UPF3B: variants seen among roughly 807,000 people sequenced by gnomAD.
The protein encoded by UPF3B is regulator of nonsense transcripts 3B.
Under a neutral mutation model 40.3 loss-of-function variants are expected in UPF3B, and 7 were observed. That is an observed-to-expected ratio of 0.17 (90% CI 0.10 to 0.33). The LOEUF (loss-of-function observed/expected upper bound fraction) is 0.33. Ranked by LOEUF, UPF3B falls within the 10% of genes least tolerant of loss-of-function variation. The pLI, the probability that UPF3B is intolerant of heterozygous loss-of-function variation, is 1.00. For missense variants in UPF3B, 229 were observed against 358.9 expected (o/e 0.64, Z 2.93); for synonymous variants, 117 against 117.3 (o/e 1.00, Z 0.01).
chrX:119,843,952 T>C (rs1448191152), intron 4 of UPF3B, among the ~76,000 whole-genome samples: 2 of 112,633 alleles, frequency 1.8e-5, no homozygotes, highest in African/African-American at 6.4e-5. Context: ...AAGAGTTGTG[T>C]AACAGCTATC....
Position 119,851,697 on chromosome X carries a change from A to G in UPF3B, c.263+70T>C, listed in dbSNP as rs1302315185. ...AAAGACAAGCTCAAAAATCAAATGA[A>G]AAACAGTAGGATAAAAAGAATGAAA... On this transcript the variant is annotated intron_variant, in intron 2 of 10. Transcript: ENST00000276201. 3.0e-6 allele frequency: 3 copies of G among 997,340 alleles called. No homozygotes were observed. In the African/African-American group the frequency reaches 5.9e-5, roughly 20 times the overall value. The allele number at this position is 997,340 out of a possible 1,213,427, so 82.2% of individuals were successfully genotyped here.
chrX:119,807,380 G>A (rs960286079), intron 6 of UPF3B: 14 of 867,544 alleles, frequency 1.6e-5, no homozygotes, highest in African/African-American at 1.3e-4. Context: ...ATTGCTTAAC[G>A]TGTGCTCTTT....
chrX:119,834,221 A>G lies in UPF3B; in HGVS notation c.*657T>C. The G allele has an allele frequency of 1.3e-6, 1 of 755,231 alleles. No homozygotes were observed. Among genetic ancestry groups the G allele is most frequent in the Non-Finnish European group, 1.6e-6 (1 of 639,463 alleles). 62.2% of individuals were successfully genotyped at this position (755,231 alleles called of 1,213,427 possible). A position where few individuals can be genotyped will look rare whatever the true frequency, so the allele number is the denominator to read the frequency against. On this transcript the variant is annotated 3_prime_UTR_variant, in exon 11 of 11. Transcript: ENST00000276201. ...TACATTTTACCTCTTAATAGAAAAG[A>G]TGCTGATGACAAAACACGAAGTTTA... is the stretch of plus-strand genomic sequence containing the variant.
At chrX:119,825,550 T>C (rs1004312347) in intron 3 of UPF3B, among the ~76,000 whole-genome samples, 2 of 111,788 alleles carry the variant, frequency 1.8e-5, no homozygotes, top group Non-Finnish European at 3.8e-5. Context: ...TTATAAAATA[T>C]CTCAACAGGA....
rs570392567 is a variant in UPF3B at position 119,837,564 on chromosome X, C to A, written c.1302+193G>T. 7.8e-5 allele frequency among the ~76,000 whole-genome samples: 8 copies of A among 102,098 alleles called. No homozygotes were observed. The South Asian group carries it at 3.7e-3, about 48-fold the overall frequency. 88.7% of individuals were successfully genotyped at this position (102,098 alleles called of 115,157 possible). A position where few individuals can be genotyped will look rare whatever the true frequency, so the allele number is the denominator to read the frequency against. On this transcript the variant is annotated intron_variant, in intron 10 of 10. Coordinates refer to ENST00000276201, the MANE Select transcript of UPF3B (RefSeq NM_080632.3). ...CCAGGAGGCGGAGCTTGCAGTGAGC[C>A]GAGATTGTGCCACTGCACTCCAGCC...
intron 10 of UPF3B, among the ~76,000 whole-genome samples, chrX:119,837,195 T>TCAG (rs2056106334): frequency 9.3e-6 from 1 of 107,891 alleles, no homozygotes; most frequent in Non-Finnish European, 1.9e-5. Context: ...TCCACCCACC[T>TCAG]CAGCCTCCCA....
rs913289729 is a variant in UPF3B, at chrX:119,834,491, C to T, written c.*387G>A. ...GGAACAAGGCTTCAAAGCGACTCTG[C>T]TCCACCCAAATTCAGAAAATTCAAT... On this transcript the variant is annotated 3_prime_UTR_variant, in exon 11 of 11. Coordinates refer to ENST00000276201, the MANE Select transcript of UPF3B (RefSeq NM_080632.3). 5.7e-6 allele frequency: 5 copies of T among 875,001 alleles called. No individual in the cohort carries two copies. Among genetic ancestry groups the T allele is most frequent in the South Asian group, 6.8e-5 (2 of 29,408 alleles). The allele number at this position is 875,001 out of a possible 1,213,427, so 72.1% of individuals were successfully genotyped here.
Position 119,805,669 on chromosome X carries a change from T to G in UPF3B, c.*12-234A>C, listed in dbSNP as rs192685928. Among the ~76,000 whole-genome samples the G allele has an allele frequency of 2.9e-3, 322 of 111,194 alleles. 1 individual carries two copies. The highest frequency in any genetic ancestry group is 0.014 in the Middle Eastern group (3 of 217). On this transcript the variant is annotated intron_variant, in intron 6 of 6. Coordinates refer to the UPF3B transcript ENST00000636792. ...AAAACAACCCCATCAAAAAGTGGGCTAAGGACATGAACAGACACTTCTCAA... is the reference window on the plus strand; with the variant it reads ...AAAACAACCCCATCAAAAAGTGGGCGAAGGACATGAACAGACACTTCTCAA...
At chrX:119,817,803 A>G (rs1223408444) in intron 4 of UPF3B, among the ~76,000 whole-genome samples, 2 of 112,147 alleles carry the variant, frequency 1.8e-5, no homozygotes, top group African/African-American at 3.2e-5. Flanking sequence ...ATAAAATTTA[A>G]GATGAAGCTT....
At chrX:119,811,987 C>T (rs2055831049) in intron 5 of UPF3B, among the ~76,000 whole-genome samples, 1 of 111,476 alleles carries the variant, frequency 9.0e-6, no homozygotes. Context: ...GGCCCAGTGG[C>T]TCATGCCTGT....
At chrX:119,830,522 G>A (rs778260717), downstream of UPF3B, among the ~76,000 whole-genome samples, 6 of 111,084 alleles carry the variant, frequency 5.4e-5, no homozygotes, top group Admixed American at 3.9e-4. Context: ...TGCTATGCTT[G>A]TACAGCCTGC....
At chrX:119,840,869 A>G (rs2056153018) in intron 7 of UPF3B, among the ~76,000 whole-genome samples, 185 bp from the exon 8 acceptor site, 2 of 112,157 alleles carry the variant, frequency 1.8e-5, no homozygotes, top group Non-Finnish European at 3.8e-5. Flanking sequence ...CACTGAAGAA[A>G]TAACATACTA....
chrX:119,851,994 G>C (rs112495071), intron 1 of UPF3B, 121 bp from the exon 2 acceptor site: 65 of 507,918 alleles, frequency 1.3e-4, no homozygotes, highest in Non-Finnish European at 2.0e-4. Flanking sequence ...AAAAACCCAG[G>C]AGAAAATATT....
At chrX:119,809,880 C>T (rs1277057686) in intron 5 of UPF3B, among the ~76,000 whole-genome samples, 1 of 111,653 alleles carries the variant, frequency 9.0e-6, no homozygotes. Flanking sequence ...GAACAACAAA[C>T]GTCAAATTTA....
chrX:119,807,708 G>T, intron 5 of UPF3B: 1 of 241,477 alleles, frequency 4.1e-6, no homozygotes, highest in Non-Finnish European at 5.9e-6. Flanking sequence ...AAATGTGAGG[G>T]CATGGTAAAT....
chrX:119,848,617 G>A (rs2056263646), intron 3 of UPF3B, among the ~76,000 whole-genome samples: 1 of 108,919 alleles, frequency 9.2e-6, no homozygotes, highest in East Asian at 2.9e-4. Context: ...TTTATGTTAC[G>A]TGTATTTTTA....
At chrX:119,832,904 C>T (rs752543294), downstream of UPF3B, among the ~76,000 whole-genome samples, 2 of 111,839 alleles carry the variant, frequency 1.8e-5, no homozygotes, top group East Asian at 2.8e-4. Context: ...TTACTGTCTC[C>T]GGACTACCTA....
intron 4 of UPF3B, among the ~76,000 whole-genome samples, chrX:119,816,067 C>T (rs954466669): frequency 9.0e-6 from 1 of 111,719 alleles, no homozygotes; most frequent in East Asian, 2.8e-4. Context: ...CAGGCATGAG[C>T]CACCATGCCT....
intron 3 of UPF3B, among the ~76,000 whole-genome samples, chrX:119,828,611 G>A (rs764513318): frequency 1.8e-4 from 20 of 109,033 alleles, no homozygotes; most frequent in African/African-American, 6.7e-4. Context: ...TATCAAGGCT[G>A]CAGTGAGCCG....
Sources: gnomAD v4.1 joint callset for allele counts (sites outside exome capture counted in the v4.1 genomes callset) on GRCh38, gnomAD v4.1.1 for gene constraint, MANE v1.5 for transcripts, NCBI Gene and HGNC (gene_info 2026-07-23, HGNC 2026-07-21) for gene names.